Variants in BRINP3 observed in about 807,000 individuals in gnomAD.
BRINP3 encodes the protein BMP/retinoic acid-inducible neural-specific protein 3.
A neutral mutation model predicts 71.0 loss-of-function variants in BRINP3; 19 were observed. The observed-to-expected ratio is 0.27, with a 90% CI of 0.19 to 0.39. The LOEUF is 0.39. BRINP3 is among the 10% of genes least tolerant of loss of function. The pLI, the probability that BRINP3 is intolerant of heterozygous loss-of-function variation, is 1.00. For missense variants in BRINP3, 959 were observed against 940.8 expected (o/e 1.02, Z -0.25); for synonymous variants, 380 against 337.7 (o/e 1.13, Z -1.37).
intron 2 of BRINP3, among the ~76,000 whole-genome samples, chr1:190,442,302 C>CT (rs1674876436): frequency 6.6e-6 from 1 of 152,076 alleles, no homozygotes; most frequent in South Asian, 2.1e-4. Context: ...TTGTGTGTGT[C>CT]TTTAAGATAA....
At chr1:190,407,302 G>C (rs1246399220) in intron 2 of BRINP3, among the ~76,000 whole-genome samples, 3 of 152,072 alleles carry the variant, frequency 2.0e-5, no homozygotes, top group Non-Finnish European at 4.4e-5. Context: ...TATGCATCCT[G>C]GATTATTTCT....
At chr1:190,153,859 G>T (rs143409012) in intron 7 of BRINP3, 31 of 154,088 alleles carry the variant, frequency 2.0e-4, no homozygotes, top group Non-Finnish European at 3.9e-4. Flanking sequence ...TCAACAAAAT[G>T]AATAAGTAAA....
chr1:190,377,127 CT>C (rs1355203821), intron 2 of BRINP3, among the ~76,000 whole-genome samples: 1 of 151,584 alleles, frequency 6.6e-6, no homozygotes, highest in African/African-American at 2.4e-5. Flanking sequence ...CTAATGGTTG[CT>C]ATATTATAAA....
intron 1 of BRINP3, among the ~76,000 whole-genome samples, chr1:190,464,149 A>T (rs569806422): frequency 1.4e-4 from 21 of 151,084 alleles, no homozygotes; most frequent in African/African-American, 5.1e-4. Flanking sequence ...TTTTTTTTAA[A>T]AAAAAAAGTA....
intron 6 of BRINP3, among the ~76,000 whole-genome samples, chr1:190,170,781 A>G (rs1651941704): frequency 6.6e-6 from 1 of 152,198 alleles, no homozygotes; most frequent in African/African-American, 2.4e-5. Flanking sequence ...TCCTGCAATA[A>G]CCTGTGATCA....
At chr1:190,110,539 G>C (rs1184182650) in intron 7 of BRINP3, among the ~76,000 whole-genome samples, 1 of 152,124 alleles carries the variant, frequency 6.6e-6, no homozygotes, top group East Asian at 1.9e-4. Flanking sequence ...ATATTTTATA[G>C]TTTCTCTATA....
chr1:190,285,996 C>G (rs1177329495), intron 2 of BRINP3, among the ~76,000 whole-genome samples: 1 of 152,084 alleles, frequency 6.6e-6, no homozygotes, highest in African/African-American at 2.4e-5. Flanking sequence ...CCCATCATAA[C>G]GTTTGCAAGT....
chr1:190,124,445 C>A (rs557770684), intron 7 of BRINP3, among the ~76,000 whole-genome samples: 1 of 152,136 alleles, frequency 6.6e-6, no homozygotes, highest in South Asian at 2.1e-4. Flanking sequence ...CCTAAATGAT[C>A]CTGAGCTTTT....
chr1:190,394,189 C>T (rs940859008), intron 2 of BRINP3, among the ~76,000 whole-genome samples: 1 of 151,462 alleles, frequency 6.6e-6, no homozygotes, highest in Non-Finnish European at 1.5e-5. Context: ...TTAAAAGTGT[C>T]AAGCTGTTCA....
At chr1:190,194,250 A>C (rs1654290145) in intron 6 of BRINP3, among the ~76,000 whole-genome samples, 1 of 152,074 alleles carries the variant, frequency 6.6e-6, no homozygotes. Context: ...AAGCCACCAA[A>C]AGCTGGAAGA....
intron 4 of BRINP3, among the ~76,000 whole-genome samples, chr1:190,247,589 T>C (rs1558105818): frequency 1.3e-5 from 2 of 152,008 alleles, no homozygotes; most frequent in East Asian, 3.9e-4. Context: ...TATCTAGCTG[T>C]AACTTCGTAT....
At chr1:190,101,491 C>T (rs1651695612) in intron 7 of BRINP3, among the ~76,000 whole-genome samples, 1 of 152,144 alleles carries the variant, frequency 6.6e-6, no homozygotes, top group African/African-American at 2.4e-5. Context: ...TTTACAGTTA[C>T]TGACATGTTT....
chr1:190,413,080 C>T (rs1383357802), intron 2 of BRINP3, among the ~76,000 whole-genome samples: 3 of 152,206 alleles, frequency 2.0e-5, no homozygotes, highest in Non-Finnish European at 4.4e-5. Flanking sequence ...AACTTTTGGA[C>T]ACTGTGTTTT....
chr1:190,448,473 G>GTGTC (rs1381861089), intron 2 of BRINP3, among the ~76,000 whole-genome samples: 3 of 151,106 alleles, frequency 2.0e-5, no homozygotes, highest in Admixed American at 6.6e-5. Context: ...TTGTGTGTGT[G>GTGTC]TGTGTGTGTG....
intron 3 of BRINP3, among the ~76,000 whole-genome samples, chr1:190,273,055 T>TC (rs1662249446): frequency 6.7e-6 from 1 of 150,008 alleles, no homozygotes; most frequent in Non-Finnish European, 1.5e-5. Context: ...AGAGATCTGT[T>TC]TTTTTTTTTC....
chr1:190,160,870 T>G lies in BRINP3; in HGVS notation c.982A>C (p.Lys328Gln), dbSNP rs1558021729. The change falls in exon 7 of 8, where the codon AAA becomes CAA. Residue 328 changes from lysine to glutamine, a missense_variant. Coordinates refer to ENST00000367462, the MANE Select transcript of BRINP3 (RefSeq NM_199051.3). Reference protein sequence around the residue: ...EESDEFKLFMKRLPMNYFLNT... With the variant: ...EESDEFKLFMQRLPMNYFLNT... ...AGGAAATAATTCATAGGTAGCCTTT[T>G]CATAAATAACTTGAATTCATCTGAA... 3.1e-6 allele frequency: 5 copies of G among 1,602,698 alleles called. No homozygotes were observed. Among genetic ancestry groups the G allele is most frequent in the Non-Finnish European group, 2.6e-6 (3 of 1,175,318 alleles).
chr1:190,311,601 C>A (rs1403461932), intron 2 of BRINP3, among the ~76,000 whole-genome samples: 1 of 151,258 alleles, frequency 6.6e-6, no homozygotes, highest in Non-Finnish European at 1.5e-5. Context: ...CAAATGCCAA[C>A]CAAAAATACT....
chr1:190,199,771 G>GAAAAAAAAAAAAA (rs35752025), intron 6 of BRINP3, among the ~76,000 whole-genome samples: 2 of 123,508 alleles, frequency 1.6e-5, no homozygotes, highest in African/African-American at 5.9e-5. Flanking sequence ...CAAGGCATAG[G>GAAAAAAAAAAAAA]AAAAAAAAAA....
At chr1:190,267,287 G>A (rs1221129363) in intron 3 of BRINP3, among the ~76,000 whole-genome samples, 1 of 151,960 alleles carries the variant, frequency 6.6e-6, no homozygotes, top group African/African-American at 2.4e-5. Flanking sequence ...AAATTTGTAA[G>A]AATATAGTAT....
Sources: allele counts gnomAD v4.1 joint callset (sites outside exome capture counted in the v4.1 genomes callset), GRCh38; gene constraint gnomAD v4.1.1; transcripts MANE v1.5; gene names NCBI Gene and HGNC (gene_info 2026-07-23, HGNC 2026-07-21).